The following GIGYF2 variants were observed in gnomAD, a reference collection of about 807,000 sequenced individuals.
GIGYF2 encodes the protein GRB10 interacting GYF protein 2.
GIGYF2 carries 25 observed loss-of-function variants against 208.1 expected under a neutral mutation model. That is an observed-to-expected ratio of 0.12 (90% CI 0.09 to 0.17). The LOEUF is 0.17. Among genes scored for constraint, GIGYF2 ranks in the 10% least tolerant of loss-of-function variants. The pLI is 1.00. For synonymous variants in GIGYF2, 534 were observed against 543.8 expected (o/e 0.98, Z 0.25); for missense variants, 1,302 against 1,579.4 (o/e 0.82, Z 2.98).
At chr2:232,792,403 A>AT (rs1559435932) in intron 12 of GIGYF2, among the ~76,000 whole-genome samples, 2 of 152,166 alleles carry the variant, frequency 1.3e-5, no homozygotes, top group African/African-American at 2.4e-5. Context: ...GAATTTTTCA[A>AT]TTTTTTAAAT....
At chr2:232,803,434 G>A (rs1000668633) in intron 14 of GIGYF2, among the ~76,000 whole-genome samples, 1 of 151,390 alleles carries the variant, frequency 6.6e-6, no homozygotes, top group African/African-American at 2.4e-5. Flanking sequence ...GGTTTTTTTT[G>A]TGTGTGTGTG....
intron 6 of GIGYF2, among the ~76,000 whole-genome samples, chr2:232,758,376 T>TA (rs1244900349): frequency 6.6e-6 from 1 of 152,204 alleles, no homozygotes; most frequent in Non-Finnish European, 1.5e-5. Context: ...TTAGGTTGTT[T>TA]AAAAATAAAG....
chr2:232,792,664 C>T (rs1700105053), intron 12 of GIGYF2, among the ~76,000 whole-genome samples: 1 of 152,218 alleles, frequency 6.6e-6, no homozygotes, highest in Admixed American at 6.5e-5. Context: ...AGTGATCCTC[C>T]TGCCCTTAGC....
chr2:232,805,700 G>GAC (rs1700541864), intron 14 of GIGYF2, among the ~76,000 whole-genome samples: 1 of 152,114 alleles, frequency 6.6e-6, no homozygotes, highest in South Asian at 2.1e-4. Context: ...TCATCACTGA[G>GAC]ACCCCTAGTT....
intron 8 of GIGYF2, 58 bp downstream of exon 8, chr2:232,761,494 T>C (rs1698739509): frequency 2.0e-6 from 2 of 983,358 alleles, no homozygotes; most frequent in Admixed American, 1.7e-5. Flanking sequence ...CTCAGTTACC[T>C]GCACCTCTCC....
At chr2:232,817,162 C>A in intron 20 of GIGYF2, 130 bp downstream of exon 20, 1 of 774,240 alleles carries the variant, frequency 1.3e-6, no homozygotes, top group Admixed American at 1.9e-5. Context: ...GACTCACTCA[C>A]CTTTGGAAAG....
chr2:232,841,979 T>G (rs1701829368), intron 23 of GIGYF2, among the ~76,000 whole-genome samples: 1 of 152,192 alleles, frequency 6.6e-6, no homozygotes, highest in South Asian at 2.1e-4. Context: ...ACTACAGGTG[T>G]GTGCCACCAT....
In GIGYF2 at chr2:232,794,946, TA is replaced by T. The variant is rs756795129; in HGVS notation, c.1479+7del. On this transcript the variant is annotated splice_donor_region_variant and intron_variant, in intron 13 of 28. Transcript: ENST00000373563. ...GAAGGTCTCAAACATTTGGAGCAGG[TA>T]AAAATCCTGTTAATTCTTTTTGTCT... is the stretch of plus-strand genomic sequence containing the variant. The T allele has an allele frequency of 6.2e-7, 1 of 1,608,524 alleles. No homozygotes were observed. The highest frequency in any genetic ancestry group is 8.5e-7 in the Non-Finnish European group (1 of 1,174,982).
intron 2 of GIGYF2, among the ~76,000 whole-genome samples, chr2:232,718,784 G>A (rs1338807585): frequency 1.3e-5 from 2 of 152,202 alleles, no homozygotes; most frequent in African/African-American, 4.8e-5. Flanking sequence ...TTTAGTATAT[G>A]TGGAGAGTGC....
Position 232,791,378 on chromosome 2 carries a change from C to T in GIGYF2, c.1214C>T (p.Thr405Met), listed in dbSNP as rs753733236. The T allele has an allele frequency of 3.8e-5, 62 of 1,613,882 alleles. No individual in the cohort carries two copies. The Middle Eastern group carries it at 6.6e-4, about 17-fold the overall frequency. ...ERKDEPKTEQ[T>M]EKAEEETRME... ...AAAGATGAACCAAAAACTGAGCAAA[C>T]GGAAAAAGCTGAAGAGGAGACTCGG... Residue 405 changes from threonine (T) to methionine (M), a missense_variant, in exon 12 of 29, where the codon ACG becomes ATG. Physicochemically the swap from Thr to Met is moderately conservative, Grantham distance 81. Coordinates refer to ENST00000373563, the MANE Select transcript of GIGYF2 (RefSeq NM_001103146.3).
At chr2:232,776,177 A>T (rs1258501122) in intron 8 of GIGYF2, among the ~76,000 whole-genome samples, 1 of 151,968 alleles carries the variant, frequency 6.6e-6, no homozygotes, top group Non-Finnish European at 1.5e-5. Flanking sequence ...TAAGGCCTTT[A>T]TCCTCTACTG....
chr2:232,797,739 G>A (rs1457857843), intron 14 of GIGYF2, among the ~76,000 whole-genome samples: 3 of 152,004 alleles, frequency 2.0e-5, no homozygotes, highest in Non-Finnish European at 4.4e-5. Flanking sequence ...CCCAGCATTT[G>A]GAAGGCCAGG....
chr2:232,782,085 G>A (rs1349649926), intron 8 of GIGYF2, among the ~76,000 whole-genome samples: 2 of 152,108 alleles, frequency 1.3e-5, no homozygotes, highest in African/African-American at 4.8e-5. Context: ...CCTTATCTTT[G>A]TTTTTAATCC....
At chr2:232,705,244 C>T (rs1009273771) in intron 2 of GIGYF2, among the ~76,000 whole-genome samples, 2 of 152,086 alleles carry the variant, frequency 1.3e-5, no homozygotes, top group Non-Finnish European at 2.9e-5. Flanking sequence ...TTCATAGACT[C>T]TATTCACATT....
intron 8 of GIGYF2, among the ~76,000 whole-genome samples, chr2:232,784,803 C>T (rs1005236099): frequency 6.6e-6 from 1 of 152,168 alleles, no homozygotes; most frequent in Non-Finnish European, 1.5e-5. Flanking sequence ...TTGTCCCCTC[C>T]AGATCACATG....
intron 23 of GIGYF2, among the ~76,000 whole-genome samples, chr2:232,841,953 C>T (rs1701828838): frequency 6.6e-6 from 1 of 151,938 alleles, no homozygotes; most frequent in South Asian, 2.1e-4. Flanking sequence ...GTCTCCTGGG[C>T]TGGAATGTAG....
In GIGYF2 at chr2:232,839,774, A is replaced by G; in HGVS notation, c.2767-75A>G. 4 of 1,433,538 alleles carry G rather than the reference A, an allele frequency of 2.8e-6. No homozygotes were observed. In the South Asian group the frequency reaches 3.4e-5, roughly 12 times the overall value. 88.8% of individuals were successfully genotyped at this position (1,433,538 alleles called of 1,614,324 possible). A position where few individuals can be genotyped will look rare whatever the true frequency, so the allele number is the denominator to read the frequency against. ...AGAGAAATGCATTTGTTCTGGGTAT[A>G]CATAATGCATTATTGCTTCTTTGTT... On this transcript the variant is annotated intron_variant, in intron 22 of 28. Transcript: ENST00000373563.
At chr2:232,712,449 CT>C (rs902579825) in intron 2 of GIGYF2, among the ~76,000 whole-genome samples, 3 of 152,142 alleles carry the variant, frequency 2.0e-5, no homozygotes, top group African/African-American at 7.2e-5. Context: ...ATAAAAGTGG[CT>C]TTTCCCCCCT....
intron 2 of GIGYF2, among the ~76,000 whole-genome samples, chr2:232,722,383 A>C (rs1696984833): frequency 6.6e-6 from 1 of 151,948 alleles, no homozygotes; most frequent in Admixed American, 6.6e-5. Context: ...CCCTTATAAA[A>C]CCATCAGATC....
Sources: gnomAD v4.1 joint callset for allele counts (sites outside exome capture counted in the v4.1 genomes callset) on GRCh38, gnomAD v4.1.1 for gene constraint, MANE v1.5 for transcripts, NCBI Gene and HGNC (gene_info 2026-07-23, HGNC 2026-07-21) for gene names.